DNAH11: variants seen among roughly 807,000 people sequenced by gnomAD.
The protein encoded by DNAH11 is axonemal beta dynein heavy chain 11.
Under a neutral mutation model 526.0 loss-of-function variants are expected in DNAH11, and 442 were observed. The ratio of observed to expected loss-of-function variants is 0.84; its 90% CI spans 0.78 to 0.91. DNAH11 has a LOEUF of 0.91. DNAH11 is among the 40% of genes least tolerant of loss of function. DNAH11 has a pLI of 0.00. For missense variants in DNAH11, 6,989 were observed against 5,448.7 expected (o/e 1.28, Z -8.90); for synonymous variants, 2,461 against 1,935.9 (o/e 1.27, Z -7.12).
intron 25 of DNAH11, among the ~76,000 whole-genome samples, chr7:21,633,303 G>A (rs969979671): frequency 6.6e-6 from 1 of 152,204 alleles, no homozygotes; most frequent in Admixed American, 6.5e-5. Context: ...GGATGAAATA[G>A]TCTGTCGATG....
Position 21,658,894 on chromosome 7 carries a change from G to A in DNAH11, c.5191G>A (p.Glu1731Lys), listed in dbSNP as rs1562734826. ...AGTGGCCTACGAGGAAAAACCTAGG[G>A]AACTGTGGATTTTTGATTTCCCAGC... Reference protein sequence around the residue: ...AIVAYEEKPRELWIFDFPAQV... With the variant: ...AIVAYEEKPRKLWIFDFPAQV... Residue 1731 changes from glutamate (E) to lysine (K), a missense_variant, in exon 30 of 82, where the codon GAA becomes AAA. Glu to Lys is a moderately conservative substitution (Grantham distance 56). Coordinates refer to ENST00000409508, the MANE Select transcript of DNAH11 (RefSeq NM_001277115.2). The A allele has an allele frequency of 1.2e-6, 2 of 1,609,792 alleles. No individual in the cohort carries two copies. Among genetic ancestry groups the A allele is most frequent in the African/African-American group, 1.3e-5 (1 of 74,930 alleles).
In DNAH11 at chr7:21,852,457, T is replaced by C; in HGVS notation, c.10897-10T>C. The C allele has an allele frequency of 6.2e-7, 1 of 1,603,694 alleles. No individual in the cohort carries two copies. The highest frequency in any genetic ancestry group is 8.5e-7 in the Non-Finnish European group (1 of 1,176,448). Reference sequence around the variant, plus strand: ...CCACCATTTCCCACACTTTTCTTGGTTTTTATTAGTTGGTATTGACAAAGC... The same window carrying C: ...CCACCATTTCCCACACTTTTCTTGGCTTTTATTAGTTGGTATTGACAAAGC... On this transcript the variant is annotated splice_polypyrimidine_tract_variant and intron_variant, in intron 66 of 81. Coordinates refer to ENST00000409508, the MANE Select transcript of DNAH11 (RefSeq NM_001277115.2).
intron 25 of DNAH11, among the ~76,000 whole-genome samples, chr7:21,626,675 A>T (rs1786351013): frequency 6.9e-6 from 1 of 145,852 alleles, no homozygotes; most frequent in Non-Finnish European, 1.5e-5. Flanking sequence ...TCATTGTATT[A>T]TGATTTGCAT....
chr7:21,635,038 A>G (rs139544610), intron 25 of DNAH11, among the ~76,000 whole-genome samples: 1 of 152,320 alleles, frequency 6.6e-6, no homozygotes, highest in East Asian at 1.9e-4. Context: ...TTGAAAAAAC[A>G]AAACAAAAAC....
At position 21,581,922 on chromosome 7, in the gene DNAH11, T is replaced by C. The variant is rs745641184; in HGVS notation, c.1611T>C (p.Tyr537=). The change falls in exon 9 of 82, where the codon TAT becomes TAC. Residue 537 remains tyrosine, a synonymous_variant. Coordinates refer to ENST00000409508, the MANE Select transcript of DNAH11 (RefSeq NM_001277115.2). ...DCTNMEFESD[Y]VAFKSKTLEF... ...TTTTACAGGAGTTTGAAAGTGATTA[T>C]GTGGCATTTAAGTCCAAAACTCTGG... 1.2e-6 allele frequency: 2 copies of C among 1,608,796 alleles called. No homozygotes were observed. Among genetic ancestry groups the C allele is most frequent in the Non-Finnish European group, 8.5e-7 (1 of 1,177,098 alleles).
At chr7:21,677,063 G>A (rs1782922534) in intron 30 of DNAH11, among the ~76,000 whole-genome samples, 1 of 152,140 alleles carries the variant, frequency 6.6e-6, no homozygotes, top group Non-Finnish European at 1.5e-5. Flanking sequence ...GGGATGATGA[G>A]CAGTGAACAT....
At chr7:21,823,621 C>T (rs1790148437) in intron 65 of DNAH11, among the ~76,000 whole-genome samples, 1 of 151,964 alleles carries the variant, frequency 6.6e-6, no homozygotes, top group Non-Finnish European at 1.5e-5. Flanking sequence ...TCATACATAA[C>T]TTTGATTATA....
intron 76 of DNAH11, among the ~76,000 whole-genome samples, chr7:21,884,933 C>G (rs1043270064): frequency 2.0e-5 from 3 of 151,892 alleles, no homozygotes; most frequent in Non-Finnish European, 4.4e-5. Context: ...ATAATATGTG[C>G]TCAAGAAAAA....
intron 30 of DNAH11, among the ~76,000 whole-genome samples, chr7:21,663,063 G>A (rs1000527610): frequency 6.6e-6 from 1 of 151,952 alleles, no homozygotes. Flanking sequence ...CCCACTTATA[G>A]GTGAGAACAT....
intron 2 of DNAH11, among the ~76,000 whole-genome samples, chr7:21,552,256 G>T (rs1783051154): frequency 6.6e-6 from 1 of 152,208 alleles, no homozygotes; most frequent in South Asian, 2.1e-4. Context: ...TTTCCTTTGG[G>T]ACCATTGCAA....
At chr7:21,646,304 A>C (rs985440101) in intron 28 of DNAH11, among the ~76,000 whole-genome samples, 3 of 152,230 alleles carry the variant, frequency 2.0e-5, no homozygotes, top group Non-Finnish European at 4.4e-5. Flanking sequence ...AAATTTCAAC[A>C]AAATATATGA....
intron 77 of DNAH11, 94 bp downstream of exon 77, chr7:21,892,761 T>C: frequency 1.4e-6 from 2 of 1,399,288 alleles, no homozygotes; most frequent in East Asian, 2.5e-5. Context: ...AATAAGTTTT[T>C]ACCTAGGTTT....
Position 21,720,759 on chromosome 7 carries a change from C to G in DNAH11, c.7169C>G (p.Pro2390Arg), listed in dbSNP as rs1395315449. Residue 2390 changes from proline to arginine, a missense_variant, in exon 44 of 82, where the codon CCT (proline) becomes CGT (arginine). Physicochemically the swap from Pro to Arg is moderately radical, Grantham distance 103 (BLOSUM62 -2). Coordinates refer to ENST00000409508, the MANE Select transcript of DNAH11 (RefSeq NM_001277115.2). ...GTTCTTTTGGAGTGCTTGCTGACTC[C>G]TGAAAATGTACCTTCTGACAGCCCA... Reference protein sequence around the residue: ...LCVLLECLLTPENVPSDSPKE... With the variant: ...LCVLLECLLTRENVPSDSPKE... 2 of 1,592,866 alleles carry G rather than the reference C, an allele frequency of 1.3e-6. No homozygotes were observed. Among genetic ancestry groups the G allele is most frequent in the Non-Finnish European group, 1.7e-6 (2 of 1,168,802 alleles).
chr7:21,576,394 G>T lies in DNAH11; in HGVS notation c.1593+4421G>T, dbSNP rs142289356. ...GGTTTAAGGGACTGTTCTTGGGGTT[G>T]TAGGGGAGAGGAGATAAAAGGAAGC... On this transcript the variant is annotated intron_variant, in intron 8 of 81. Transcript: ENST00000409508. Among the ~76,000 whole-genome samples, 89 of 152,342 alleles carry T rather than the reference G, an allele frequency of 5.8e-4. No individual in the cohort carries two copies. The East Asian group carries it at 0.015, about 25-fold the overall frequency.
rs764315422 is a variant in DNAH11, at chr7:21,868,845, G to A, written c.11840-19G>A. The A allele has an allele frequency of 1.4e-5, 23 of 1,613,540 alleles. No individual in the cohort carries two copies. Among genetic ancestry groups the A allele is most frequent in the African/African-American group, 1.1e-4 (8 of 74,888 alleles). On this transcript the variant is annotated intron_variant, in intron 72 of 81. Transcript: ENST00000409508. ...TCCTTCATAGACATTTCCTCTCACC[G>A]TGGTGTATTCTCCCACAGGCAAAAG...
chr7:21,798,990 AC>A (rs760881816), intron 61 of DNAH11, among the ~76,000 whole-genome samples: 64 of 152,326 alleles, frequency 4.2e-4, no homozygotes, highest in Non-Finnish European at 6.9e-4. Context: ...ATCTGTATGA[AC>A]CAGTGCCCTT....
At chr7:21,650,432 CAT>C (rs1482717590) in intron 28 of DNAH11, among the ~76,000 whole-genome samples, 1 of 151,522 alleles carries the variant, frequency 6.6e-6, no homozygotes, top group Non-Finnish European at 1.5e-5. Context: ...TGAGTTATAA[CAT>C]ATATACTTAA....
rs1745957939 is a variant in DNAH11 at position 21,843,673 on chromosome 7, G to T, written c.10896+925G>T. ...TTTTTGTATTTTTAGTAGTGATAGG[G>T]TTTCACCATATTTGCCAGGCTGGTC... On this transcript the variant is annotated intron_variant, in intron 66 of 81. Transcript: ENST00000409508. Among the ~76,000 whole-genome samples the T allele has an allele frequency of 2.0e-5, 3 of 151,900 alleles. 1 individual carries two copies. The South Asian group carries it at 6.2e-4, about 32-fold the overall frequency.
intron 54 of DNAH11, among the ~76,000 whole-genome samples, chr7:21,753,099 T>G (rs1786481545): frequency 6.6e-6 from 1 of 152,180 alleles, no homozygotes; most frequent in Admixed American, 6.5e-5. Flanking sequence ...CCAGACTGGC[T>G]CAGTATTACC....
Sources: allele counts gnomAD v4.1 joint callset (sites outside exome capture counted in the v4.1 genomes callset), GRCh38; gene constraint gnomAD v4.1.1; transcripts MANE v1.5; gene names NCBI Gene and HGNC (gene_info 2026-07-23, HGNC 2026-07-21).